ZNF578: variants seen among roughly 807,000 people sequenced by gnomAD.
The protein encoded by ZNF578 is zinc finger protein 578.
Under a neutral mutation model 8.3 loss-of-function variants are expected in ZNF578, and 8 were observed. The ratio of observed to expected loss-of-function variants is 0.96; its 90% confidence interval spans 0.56 to 1.74. The LOEUF is 1.74. ZNF578 is among the 40% of genes most tolerant of loss of function. The pLI is 0.00. For missense variants in ZNF578, 726 were observed against 707.5 expected, an observed-to-expected ratio of 1.03 and a Z score of -0.30; for synonymous variants, 206 against 232.2, an observed-to-expected ratio of 0.89 and a Z score of 1.03.
At chr19:52,473,045 A>C (rs2059296983) in intron 2 of ZNF578, among the ~76,000 whole-genome samples, 1 of 152,176 alleles carries the variant, frequency 6.6e-6, no homozygotes, top group South Asian at 2.1e-4. Context: ...ATATTCCTTG[A>C]GTTATAGCCT....
chr19:52,516,335 G>GGGGA lies in ZNF578; in HGVS notation c.*4183_*4186dup, dbSNP rs139086000. The stretch of plus-strand genomic sequence containing the variant: ...CTCAACTTTAGGTCTGTGCCCTGAA[G>GGGGA]GGGAGCTCATTCCAGCCCAGTTCCC... On this transcript the variant is annotated 3_prime_UTR_variant, in exon 6 of 6. Transcript: ENST00000421239. 1.2e-3 allele frequency among the ~76,000 whole-genome samples: 176 copies of GGGGA among 152,310 alleles called. 2 individuals carry two copies. The East Asian group carries it at 0.032, about 28-fold the overall frequency.
intron 2 of ZNF578, chr19:52,474,517 GA>G: frequency 6.6e-6 from 2 of 303,176 alleles, no homozygotes; most frequent in South Asian, 6.8e-5. Flanking sequence ...TGCAAGGTGT[GA>G]ACTCTGAGTA....
intron 1 of ZNF578, 132 bp downstream of exon 1, chr19:52,453,739 A>G (rs2059229450): frequency 6.6e-6 from 1 of 152,218 alleles, no homozygotes; most frequent in Non-Finnish European, 1.5e-5. Flanking sequence ...CGTCGCCAAG[A>G]AATTCGGAGG....
chr19:52,511,914 C>G lies in ZNF578; in HGVS notation c.1533C>G (p.Tyr511Ter). 2 of 1,613,904 alleles carry G rather than the reference C, an allele frequency of 1.2e-6. No individual in the cohort carries two copies. Among genetic ancestry groups the G allele is most frequent in the South Asian group, 2.2e-5 (2 of 91,068 alleles). ...GACTTCATAGTGGTGAGAAACCTTA[C>G]AAGTGTAATGAATGTGGGAAGACTT... ...HRRLHSGEKP[Y>*]KCNECGKTFN... The change falls in exon 6 of 6, where the codon TAC becomes TAG. Residue 511 changes from tyrosine to a stop codon, truncating the protein, a stop_gained. Transcript: ENST00000421239. LOFTEE classifies it low-confidence loss of function (END_TRUNC).
intron 3 of ZNF578, chr19:52,493,007 C>T (rs888019947): frequency 6.6e-6 from 1 of 152,378 alleles, no homozygotes; most frequent in Non-Finnish European, 1.5e-5. Flanking sequence ...CCGTAAGAGT[C>T]CGGGAGTTGC....
chr19:52,469,855 T>C (rs2059286725), intron 2 of ZNF578, among the ~76,000 whole-genome samples: 1 of 152,200 alleles, frequency 6.6e-6, no homozygotes, highest in South Asian at 2.1e-4. Flanking sequence ...TGGGTGCGAC[T>C]GTTTTGTAGA....
At chr19:52,491,526 C>T (rs2059364834) in intron 3 of ZNF578, 101 bp downstream of exon 3, 1 of 152,216 alleles carries the variant, frequency 6.6e-6, no homozygotes, top group African/African-American at 2.4e-5. Context: ...CATCCCTTTT[C>T]TTAGGACATT....
rs66824085 is a variant in ZNF578, at chr19:52,499,689, G to GTT, written c.-19-2126_-19-2125dup. On this transcript the variant is annotated intron_variant, in intron 3 of 5. Transcript: ENST00000421239. ...TGAGAAGATACATCACTTCCAAATC[G>GTT]TTTTTTTTTTTTTGAGATGAATTTT... 2.7e-3 allele frequency among the ~76,000 whole-genome samples: 385 copies of GTT among 141,572 alleles called. 10 individuals carry two copies. The highest frequency in any genetic ancestry group is 0.021 in the East Asian group (105 of 4,988). 92.9% of individuals were successfully genotyped at this position (141,572 alleles called of 152,430 possible). A position where few individuals can be genotyped will look rare whatever the true frequency, so the allele number is the denominator to read the frequency against.
At chr19:52,463,402 A>G (rs370195831) in intron 2 of ZNF578, among the ~76,000 whole-genome samples, 15 of 152,330 alleles carry the variant, frequency 9.8e-5, no homozygotes, top group East Asian at 3.9e-4. Flanking sequence ...TCAGGTGCCA[A>G]CCTTTGAGGC....
intron 2 of ZNF578, among the ~76,000 whole-genome samples, chr19:52,489,696 C>A (rs1316340755): frequency 6.6e-6 from 1 of 151,770 alleles, no homozygotes; most frequent in Non-Finnish European, 1.5e-5. Context: ...CACTGTGTTG[C>A]CCAGCCTGAA....
In ZNF578 at chr19:52,512,824, G is replaced by C. The variant is rs2059454660; in HGVS notation, c.*670G>C. Among the ~76,000 whole-genome samples the C allele has an allele frequency of 6.6e-6, 1 of 152,150 alleles. No homozygotes were observed. Among genetic ancestry groups the C allele is most frequent in the Non-Finnish European group, 1.5e-5 (1 of 68,026 alleles). On this transcript the variant is annotated 3_prime_UTR_variant, in exon 6 of 6. Transcript: ENST00000421239. The stretch of plus-strand genomic sequence containing the variant: ...TTGACATTGGAGTCAATTCAGCATT[G>C]ACTTGAGTTTGTGTTGACTTAACAT...
chr19:52,491,489 A>T (rs1374354409), intron 3 of ZNF578, 64 bp downstream of exon 3: 1 of 152,504 alleles, frequency 6.6e-6, no homozygotes, highest in Non-Finnish European at 1.5e-5. Context: ...CTCCTTTGAA[A>T]ATAAAGAAAG....
chr19:52,489,012 T>C (rs866132213), intron 2 of ZNF578, among the ~76,000 whole-genome samples: 9 of 152,058 alleles, frequency 5.9e-5, no homozygotes, highest in Middle Eastern at 6.8e-3. Flanking sequence ...GGAGAATTAC[T>C]TGGACCCGGC....
At chr19:52,481,535 A>G (rs1436274217) in intron 2 of ZNF578, among the ~76,000 whole-genome samples, 1 of 152,154 alleles carries the variant, frequency 6.6e-6, no homozygotes, top group Non-Finnish European at 1.5e-5. Flanking sequence ...TGAGAATTTT[A>G]AACTTCCTAT....
At chr19:52,505,224 C>A (rs1202803495) in intron 5 of ZNF578, among the ~76,000 whole-genome samples, 1 of 152,008 alleles carries the variant, frequency 6.6e-6, no homozygotes, top group Non-Finnish European at 1.5e-5. Context: ...AAGCGTCTCT[C>A]ACTGGCACTG....
intron 3 of ZNF578, among the ~76,000 whole-genome samples, chr19:52,499,750 A>G (rs1181456396): frequency 4.7e-5 from 7 of 149,662 alleles, no homozygotes; most frequent in South Asian, 2.1e-4. Flanking sequence ...CAATGCCATG[A>G]TATCAGCTCA....
chr19:52,460,306 C>G (rs1172891018), intron 2 of ZNF578, among the ~76,000 whole-genome samples: 1 of 75,400 alleles, frequency 1.3e-5, no homozygotes, highest in Admixed American at 1.8e-4. Context: ...TCAGCATCCT[C>G]TCCAACACTT....
At position 52,510,569 on chromosome 19, in the gene ZNF578, T is replaced by C. The variant is rs1441040028; in HGVS notation, c.191-3T>C. On this transcript the variant is annotated splice_region_variant and splice_polypyrimidine_tract_variant and intron_variant, in intron 5 of 5. Transcript: ENST00000421239. ...CAAACGTATTGGTGTTTATATTTTGTAGATATCTCTTCCAAACGCATGATG... is the reference window on the plus strand; with the variant it reads ...CAAACGTATTGGTGTTTATATTTTGCAGATATCTCTTCCAAACGCATGATG... 2 of 1,525,466 alleles carry C rather than the reference T, an allele frequency of 1.3e-6. No homozygotes were observed. Among genetic ancestry groups the C allele is most frequent in the Middle Eastern group, 1.8e-4 (1 of 5,686 alleles). The allele number at this position is 1,525,466 out of a possible 1,614,324, so 94.5% of individuals were successfully genotyped here.
At chr19:52,504,118 T>TGTC (rs1315028096) in intron 4 of ZNF578, among the ~76,000 whole-genome samples, 1 of 149,302 alleles carries the variant, frequency 6.7e-6, no homozygotes, top group Non-Finnish European at 1.5e-5. Context: ...TAACATGGAG[T>TGTC]GTCAGTCTGT....
Sources: allele counts gnomAD v4.1 joint callset (sites outside exome capture counted in the v4.1 genomes callset), GRCh38; gene constraint gnomAD v4.1.1; transcripts MANE v1.5; gene names NCBI Gene and HGNC (gene_info 2026-07-23, HGNC 2026-07-21).